VCAN: variants seen among roughly 807,000 people sequenced by gnomAD.
VCAN encodes the protein versican.
In VCAN, 44 loss-of-function variants were observed where a neutral mutation model predicts 245.5. That is an observed-to-expected ratio of 0.18 (90% CI 0.14 to 0.23). VCAN has a LOEUF of 0.23. Among genes scored for constraint, VCAN ranks in the 10% least tolerant of loss-of-function variants. The pLI is 1.00. For missense variants in VCAN, 3,793 were observed against 4,057.9 expected (o/e 0.93, Z 1.77); for synonymous variants, 1,413 against 1,437.0 (o/e 0.98, Z 0.38).
intron 5 of VCAN, among the ~76,000 whole-genome samples, chr5:83,509,132 C>T (rs770984155): frequency 3.3e-5 from 5 of 152,090 alleles, no homozygotes; most frequent in Non-Finnish European, 7.4e-5. Flanking sequence ...AAAGAAATGG[C>T]ATTAGGGATA....
At chr5:83,561,150 G>T (rs191878123) in intron 12 of VCAN, among the ~76,000 whole-genome samples, 1 of 151,878 alleles carries the variant, frequency 6.6e-6, no homozygotes, top group Non-Finnish European at 1.5e-5. Context: ...GTCACACCCC[G>T]TGAGGCTGCT....
chr5:83,560,489 A>G (rs147365311), intron 12 of VCAN, among the ~76,000 whole-genome samples: 1 of 152,212 alleles, frequency 6.6e-6, no homozygotes, highest in East Asian at 1.9e-4. Flanking sequence ...TCATTTGTAA[A>G]TCCACTATCT....
intron 5 of VCAN, among the ~76,000 whole-genome samples, chr5:83,495,857 T>A (rs1055201282): frequency 5.3e-5 from 8 of 152,092 alleles, no homozygotes; most frequent in African/African-American, 1.9e-4. Flanking sequence ...GATTCCTTGG[T>A]GGAAAGACAG....
chr5:83,535,162 G>T (rs545933579), intron 7 of VCAN, among the ~76,000 whole-genome samples: 1 of 151,932 alleles, frequency 6.6e-6, no homozygotes, highest in Non-Finnish European at 1.5e-5. Context: ...TATTTATCTC[G>T]CTTCTCTTTG....
intron 6 of VCAN, 36 bp downstream of exon 6, chr5:83,512,432 T>TA (rs747471495): frequency 3.7e-4 from 597 of 1,605,044 alleles, no homozygotes; most frequent in Non-Finnish European, 4.7e-4. Flanking sequence ...ATTACAGTTT[T>TA]AAAAAAAATG....
rs780511968 is a variant in VCAN, at chr5:83,540,831, G to A, written c.7828G>A (p.Asp2610Asn). Residue 2610 changes from aspartate to asparagine, a missense_variant, in exon 8 of 15, where the codon GAT (aspartate) becomes AAT (asparagine). Asp to Asn is a conservative substitution (Grantham distance 23). Around this residue, in one of 5 missense-constraint regions of VCAN, gnomAD observed 3,182 missense variants for 3,250.3 expected, o/e 0.98. Coordinates refer to ENST00000265077, the MANE Select transcript of VCAN (RefSeq NM_004385.5). ...ACCATCAGAACCACATGACAGTAAT[G>A]ATGAAAGTAATGATGACAGCACTCA... ...EVPSEPHDSN[D>N]ESNDDSTQVQ... 1 of 1,613,998 alleles carries A rather than the reference G, an allele frequency of 6.2e-7. No individual in the cohort carries two copies. The highest frequency in any genetic ancestry group is 1.1e-5 in the South Asian group (1 of 91,074).
At chr5:83,517,252 A>G (rs1214352986) in intron 6 of VCAN, among the ~76,000 whole-genome samples, 2 of 152,206 alleles carry the variant, frequency 1.3e-5, no homozygotes, top group Non-Finnish European at 2.9e-5. Context: ...ATAGCATTGT[A>G]GAAAGTTGCT....
chr5:83,540,281 T>C lies in VCAN; in HGVS notation c.7278T>C (p.Tyr2426=). ...CACCAAAACCATCTGACTTGTATTA[T>C]GAACCTTCTGGAGAAGGATCTGGAG... ...TSAPKPSDLY[Y]EPSGEGSGEV... The change falls in exon 8 of 15, where the codon TAT becomes TAC. Residue 2426 remains tyrosine (Y), a synonymous_variant. Coordinates refer to ENST00000265077, the MANE Select transcript of VCAN (RefSeq NM_004385.5). 6.2e-7 allele frequency: 1 copy of C among 1,614,168 alleles called. No homozygotes were observed. Among genetic ancestry groups the C allele is most frequent in the Non-Finnish European group, 8.5e-7 (1 of 1,180,002 alleles).
At position 83,540,388 on chromosome 5, in the gene VCAN, A is replaced by T. The variant is rs373987221; in HGVS notation, c.7385A>T (p.Asp2462Val). 4.3e-6 allele frequency: 7 copies of T among 1,613,890 alleles called. No individual in the cohort carries two copies. The highest frequency in any genetic ancestry group is 3.3e-5 in the Admixed American group (2 of 59,974). The change falls in exon 8 of 15, where the codon GAT (aspartate) becomes GTT (valine). Residue 2462 changes from aspartate (D) to valine (V), a missense_variant. Coordinates refer to ENST00000265077, the MANE Select transcript of VCAN (RefSeq NM_004385.5). Reference protein sequence around the residue: ...RQESSTTFVSDGSLEKHPEVP... With the variant: ...RQESSTTFVSVGSLEKHPEVP... ...GAAAGCAGCACCACATTTGTTTCTG[A>T]TGGGTCCCTGGAAAAACATCCTGAG...
rs1197863650 is a variant in VCAN at position 83,537,916 on chromosome 5, T to G, written c.4913T>G (p.Ile1638Ser). 6.2e-7 allele frequency: 1 copy of G among 1,613,944 alleles called. No homozygotes were observed. Among genetic ancestry groups the G allele is most frequent in the Non-Finnish European group, 8.5e-7 (1 of 1,179,950 alleles). Residue 1638 changes from isoleucine to serine, a missense_variant, in exon 8 of 15, where the codon ATT (isoleucine) becomes AGT (serine). Physicochemically the swap from Ile to Ser is moderately radical, Grantham distance 142 (BLOSUM62 -2). This residue lies in a region of VCAN where 3,182 missense variants were observed against 3,250.3 expected (regional missense o/e 0.98). Coordinates refer to ENST00000265077, the MANE Select transcript of VCAN (RefSeq NM_004385.5). ...VELSGSSSIPITEGSGEAEED... is the reference protein window; with the variant it reads ...VELSGSSSIPSTEGSGEAEED... ...CTCTCAGGGAGTTCTTCGATTCCAA[T>G]TACAGAAGGCTCTGGAGAAGCAGAA...
intron 10 of VCAN, among the ~76,000 whole-genome samples, chr5:83,552,886 T>C (rs1001218386): frequency 6.6e-6 from 1 of 152,220 alleles, no homozygotes; most frequent in African/African-American, 2.4e-5. Context: ...CTGTGACTTC[T>C]CAGATATCTC....
chr5:83,521,798 T>C lies in VCAN; in HGVS notation c.3492T>C (p.Leu1164=), dbSNP rs1221177686. Residue 1164 remains leucine (L), a synonymous_variant, in exon 7 of 15, where the codon CTT becomes CTC. Coordinates refer to ENST00000265077, the MANE Select transcript of VCAN (RefSeq NM_004385.5). ...CTTTTAGTACCCACATTACCCAGCT[T>C]ATGGAAGAAACCACTACTGAGAAAA... is the stretch of plus-strand genomic sequence containing the variant. ...LSPFSTHITQ[L]MEETTTEKTS... is the part of the protein sequence containing the mutation. 6.2e-7 allele frequency: 1 copy of C among 1,614,132 alleles called. No individual in the cohort carries two copies. Among genetic ancestry groups the C allele is most frequent in the East Asian group, 2.2e-5 (1 of 44,878 alleles).
At chr5:83,545,100 TAAC>T (rs1254330066) in intron 8 of VCAN, 3 of 229,918 alleles carry the variant, frequency 1.3e-5, no homozygotes, top group Non-Finnish European at 2.6e-5. Context: ...CAAATGATGA[TAAC>T]AAGCCAACCT....
chr5:83,566,894 T>C (rs58450839), intron 12 of VCAN, among the ~76,000 whole-genome samples: 3,433 of 152,290 alleles, frequency 0.023, 120 homozygotes, highest in African/African-American at 0.073. Context: ...AATGAATAGC[T>C]TCAGTCTGCT....
chr5:83,543,167 G>T (rs1747069232), intron 8 of VCAN, among the ~76,000 whole-genome samples: 1 of 152,156 alleles, frequency 6.6e-6, no homozygotes, highest in Admixed American at 6.6e-5. Context: ...AATAATATAT[G>T]AACCAGGAAT....
chr5:83,580,224 T>C, intron 14 of VCAN, 62 bp downstream of exon 14: 2 of 1,613,874 alleles, frequency 1.2e-6, no homozygotes, highest in Non-Finnish European at 1.7e-6. Context: ...CACCTTCATT[T>C]TACGGCTGTG....
Position 83,539,063 on chromosome 5 carries a change from C to G in VCAN, c.6060C>G (p.Ser2020Arg), listed in dbSNP as rs1253548750. The G allele has an allele frequency of 6.2e-7, 1 of 1,613,886 alleles. No homozygotes were observed. The highest frequency in any genetic ancestry group is 8.5e-7 in the Non-Finnish European group (1 of 1,179,974). ...GSGEQLVTVS[S>R]SVVPVLPSAV... Reference sequence around the variant, plus strand: ...GTGAGCAACTGGTCACAGTCAGCAGCTCTGTTGTTCCAGTGCTTCCCAGTG... The same window carrying G: ...GTGAGCAACTGGTCACAGTCAGCAGGTCTGTTGTTCCAGTGCTTCCCAGTG... The change falls in exon 8 of 15, where the codon AGC (serine) becomes AGG (arginine). Residue 2020 changes from serine (S) to arginine (R), a missense_variant. Ser to Arg is a moderately radical substitution (Grantham distance 110). Around this residue, in one of 5 missense-constraint regions of VCAN, gnomAD observed 3,182 missense variants for 3,250.3 expected, o/e 0.98. Transcript: ENST00000265077.
Position 83,521,690 on chromosome 5 carries a change from A to G in VCAN, c.3384A>G (p.Pro1128=). The G allele has an allele frequency of 6.2e-7, 1 of 1,614,006 alleles. No homozygotes were observed. Among genetic ancestry groups the G allele is most frequent in the Non-Finnish European group, 8.5e-7 (1 of 1,180,018 alleles). The change falls in exon 7 of 15, where the codon CCA becomes CCG. Residue 1128 remains proline (P), a synonymous_variant. Coordinates refer to ENST00000265077, the MANE Select transcript of VCAN (RefSeq NM_004385.5). The part of the protein sequence containing the change: ...EVVTLTPRIG[P]KVSLSPGPEQ... The stretch of plus-strand genomic sequence containing the variant: ...TAACACTAACACCACGCATTGGGCC[A>G]AAAGTATCTTTAAGTCCAGGGCCTG...
chr5:83,571,297 G>A (rs1020076733), intron 12 of VCAN, among the ~76,000 whole-genome samples: 3 of 152,086 alleles, frequency 2.0e-5, no homozygotes, highest in Admixed American at 6.6e-5. Context: ...TAGGCACAGC[G>A]ACTATGTTTT....
Sources: allele counts gnomAD v4.1 joint callset (sites outside exome capture counted in the v4.1 genomes callset), GRCh38; gene constraint gnomAD v4.1.1; regional missense constraint gnomAD v4.1.1; transcripts MANE v1.5; gene names NCBI Gene and HGNC (gene_info 2026-07-23, HGNC 2026-07-21).